The following SIPA1 variants were observed in gnomAD, a reference collection of about 807,000 sequenced individuals.
The protein encoded by SIPA1 is signal-induced proliferation-associated 1, also known as signal-induced proliferation-associated protein 1.
SIPA1 carries 51 observed loss-of-function variants against 88.1 expected under a neutral mutation model. That is an observed-to-expected ratio of 0.58 (90% confidence interval 0.46 to 0.73). The LOEUF (loss-of-function observed/expected upper bound fraction) is 0.73. Among genes scored for constraint, SIPA1 ranks in the 30% least tolerant of loss-of-function variants. SIPA1 has a pLI of 0.00. For missense variants in SIPA1, 1,348 were observed against 1,467.6 expected (o/e 0.92, Z 1.33); for synonymous variants, 681 against 664.8 (o/e 1.02, Z -0.37).
chr11:65,649,832 C>T lies in SIPA1; in HGVS notation c.2713C>T (p.Arg905Cys), dbSNP rs1251576011. The change falls in exon 12 of 16, where the codon CGT becomes TGT. Residue 905 changes from arginine to cysteine, a missense_variant. Physicochemically the swap from Arg to Cys is radical, Grantham distance 180 (BLOSUM62 -3). This residue lies in a region of SIPA1 where 615 missense variants were observed against 559.8 expected (regional missense o/e 1.10). Coordinates refer to ENST00000534313, the MANE Select transcript of SIPA1 (RefSeq NM_006747.4). ...GGAGCTGAGGGCCTCCTTTCTGCCACGTACCTTGTCTCTGCGGAACTCCAT... is the reference window on the plus strand; with the variant it reads ...GGAGCTGAGGGCCTCCTTTCTGCCATGTACCTTGTCTCTGCGGAACTCCAT... ...APELRASFLP[R>C]TLSLRNSISR... is the part of the protein sequence containing the mutation. The T allele has an allele frequency of 6.8e-6, 11 of 1,613,970 alleles. No homozygotes were observed. Among genetic ancestry groups the T allele is most frequent in the African/African-American group, 2.7e-5 (2 of 74,912 alleles).
In SIPA1 at chr11:65,642,134, G is replaced by A; in HGVS notation, c.680-116G>A. 2 of 1,391,658 alleles carry A rather than the reference G, an allele frequency of 1.4e-6. No individual in the cohort carries two copies. The highest frequency in any genetic ancestry group is 1.9e-6 in the Non-Finnish European group (2 of 1,027,762). The allele number at this position is 1,391,658 out of a possible 1,614,324, so 86.2% of individuals were successfully genotyped here. ...ACAGAGGGGCGGGACTTAGTCTAGG[G>A]TCAACATTTGGTGGTGAGATGAAGC... On this transcript the variant is annotated intron_variant, in intron 2 of 15. Coordinates refer to ENST00000534313, the MANE Select transcript of SIPA1 (RefSeq NM_006747.4). The surrounding 1 kb of genome is among the most constrained non-coding windows in gnomAD (Gnocchi z 6.5).
chr11:65,642,104 G>T lies in SIPA1; in HGVS notation c.680-146G>T, dbSNP rs1209291366. On this transcript the variant is annotated intron_variant, in intron 2 of 15. Coordinates refer to ENST00000534313, the MANE Select transcript of SIPA1 (RefSeq NM_006747.4). The surrounding 1 kb of genome is among the most constrained non-coding windows in gnomAD (Gnocchi z 6.5). ...GGTTGAGATCAAGATATTGAGCTCGGGGCTACAGAGGGGCGGGACTTAGTC... is the reference window on the plus strand; with the variant it reads ...GGTTGAGATCAAGATATTGAGCTCGTGGCTACAGAGGGGCGGGACTTAGTC... 1 of 1,169,090 alleles carries T rather than the reference G, an allele frequency of 8.6e-7. No homozygotes were observed. Among genetic ancestry groups the T allele is most frequent in the Middle Eastern group, 2.8e-4 (1 of 3,554 alleles). 72.4% of individuals were successfully genotyped at this position (1,169,090 alleles called of 1,614,324 possible).
At position 65,650,622 on chromosome 11, in the gene SIPA1, C is replaced by T. The variant is rs1243895988; in HGVS notation, c.3036C>T (p.Asn1012=). ...AGGAGGTGCGGAGCCTGAGACACAACAACCGGCGGCTGCAGGCGGAGTCTG... is the reference window on the plus strand; with the variant it reads ...AGGAGGTGCGGAGCCTGAGACACAATAACCGGCGGCTGCAGGCGGAGTCTG... ...LEEEVRSLRH[N]NRRLQAESES... The change falls in exon 16 of 16, where the codon AAC becomes AAT. Residue 1012 remains asparagine, a synonymous_variant. Transcript: ENST00000534313. 10 of 1,577,892 alleles carry T rather than the reference C, an allele frequency of 6.3e-6. No homozygotes were observed. The highest frequency in any genetic ancestry group is 8.6e-6 in the Non-Finnish European group (10 of 1,161,630).
intron 1 of SIPA1, 99 bp downstream of exon 1, chr11:65,638,281 C>T (rs1233222031): frequency 6.6e-6 from 1 of 152,378 alleles, no homozygotes; most frequent in East Asian, 1.9e-4. Flanking sequence ...GGAGTGGGGT[C>T]CTCGCCACGT....
intron 1 of SIPA1, among the ~76,000 whole-genome samples, chr11:65,638,855 C>T (rs1361603555): frequency 6.6e-6 from 1 of 152,248 alleles, no homozygotes; most frequent in East Asian, 1.9e-4. Context: ...AGGCTGGGTG[C>T]ACACATGCAC....
In SIPA1 at chr11:65,650,772, A is replaced by C; in HGVS notation, c.*57A>C. On this transcript the variant is annotated 3_prime_UTR_variant, in exon 16 of 16. Transcript: ENST00000534313. ...ACTGTGGTCACACTGGGCCCTCCTC[A>C]GGAACTCTCCCTGCGCAGAGGCGTG... is the stretch of plus-strand genomic sequence containing the variant. 4.1e-6 allele frequency: 6 copies of C among 1,473,362 alleles called. No individual in the cohort carries two copies. Among genetic ancestry groups the C allele is most frequent in the Non-Finnish European group, 5.4e-6 (6 of 1,108,316 alleles). 91.3% of individuals were successfully genotyped at this position (1,473,362 alleles called of 1,614,324 possible).
chr11:65,646,474 C>A lies in SIPA1; in HGVS notation c.1440C>A (p.Thr480=). Reference sequence around the variant, plus strand: ...CCCGCAGGGTGGCCGTGAGCCGCACCCAGGACACCCCTGCCTTCGGGCCAG... The same window carrying A: ...CCCGCAGGGTGGCCGTGAGCCGCACACAGGACACCCCTGCCTTCGGGCCAG... ...HTTYRVAVSR[T]QDTPAFGPAL... The change falls in exon 8 of 16, where the codon ACC becomes ACA. Residue 480 remains threonine, a synonymous_variant. Coordinates refer to ENST00000534313, the MANE Select transcript of SIPA1 (RefSeq NM_006747.4). The surrounding 1 kb of genome is among the most constrained non-coding windows in gnomAD (Gnocchi z 7.5). 6.3e-7 allele frequency: 1 copy of A among 1,583,660 alleles called. No individual in the cohort carries two copies. The highest frequency in any genetic ancestry group is 8.5e-7 in the Non-Finnish European group (1 of 1,170,496).
chr11:65,646,991 C>G lies in SIPA1; in HGVS notation c.1957C>G (p.Arg653Gly). 2 of 1,539,714 alleles carry G rather than the reference C, an allele frequency of 1.3e-6. No individual in the cohort carries two copies. Among genetic ancestry groups the G allele is most frequent in the Non-Finnish European group, 1.7e-6 (2 of 1,148,456 alleles). ...GCAGCAGCTGGACCTGTACCACGGCCGCGGGGAGGCGATCACGCTGCGCTT... is the reference window on the plus strand; with the variant it reads ...GCAGCAGCTGGACCTGTACCACGGCGGCGGGGAGGCGATCACGCTGCGCTT... ...SEQQLDLYHG[R>G]GEAITLRFDG... The change falls in exon 8 of 16, where the codon CGC (arginine) becomes GGC (glycine). Residue 653 changes from arginine to glycine, a missense_variant. Arg to Gly is a moderately radical substitution (Grantham distance 125). Around this residue, in one of 4 missense-constraint regions of SIPA1, gnomAD observed 615 missense variants for 559.8 expected, o/e 1.10. Transcript: ENST00000534313. The surrounding 1 kb of genome is among the most constrained non-coding windows in gnomAD (Gnocchi z 7.5).
chr11:65,643,083 T>C (rs1856041942), intron 4 of SIPA1, among the ~76,000 whole-genome samples: 1 of 152,084 alleles, frequency 6.6e-6, no homozygotes, highest in Non-Finnish European at 1.5e-5. Context: ...GCCCAGCTAA[T>C]TTTTGTATTT....
rs146081434 is a variant in SIPA1 at position 65,650,296 on chromosome 11, T to C, written c.2903+104T>C. 728 of 1,534,096 alleles carry C rather than the reference T, an allele frequency of 4.7e-4. No homozygotes were observed. In the African/African-American group the frequency reaches 8.8e-3, roughly 19 times the overall value. On this transcript the variant is annotated intron_variant, in intron 14 of 15. Transcript: ENST00000534313. Reference sequence around the variant, plus strand: ...CTGTCCTGGGCTCTGCTGCCACATATGCCTAGAAGACCAGCGGGGCCCCTC... The same window carrying C: ...CTGTCCTGGGCTCTGCTGCCACATACGCCTAGAAGACCAGCGGGGCCCCTC...
Position 65,646,094 on chromosome 11 carries a change from G to A in SIPA1, c.1264-127G>A. On this transcript the variant is annotated intron_variant, in intron 6 of 15. Transcript: ENST00000534313. This position sits in a 1 kb window ranked among gnomAD's most constrained non-coding sequence, Gnocchi z 7.5. ...CTCTGGTGGCCCCTTCCCAAAGACA[G>A]AAACACCCTAGGTCTTCACCAGGGG... 1 of 1,344,810 alleles carries A rather than the reference G, an allele frequency of 7.4e-7. No homozygotes were observed. The highest frequency in any genetic ancestry group is 1.4e-5 in the African/African-American group (1 of 69,490). 83.3% of individuals were successfully genotyped at this position (1,344,810 alleles called of 1,614,324 possible).
chr11:65,644,441 G>A (rs1856068033), intron 4 of SIPA1, among the ~76,000 whole-genome samples: 1 of 151,946 alleles, frequency 6.6e-6, no homozygotes, highest in Admixed American at 6.6e-5. Flanking sequence ...GGGACTGTAA[G>A]TGCAGACAAG....
chr11:65,646,802 G>A lies in SIPA1; in HGVS notation c.1768G>A (p.Gly590Arg). 2 of 1,285,948 alleles carry A rather than the reference G, an allele frequency of 1.6e-6. No individual in the cohort carries two copies. The highest frequency in any genetic ancestry group is 4.4e-5 in the South Asian group (2 of 45,742). The allele number at this position is 1,285,948 out of a possible 1,614,324, so 79.7% of individuals were successfully genotyped here. ...SLVWGVRAAPGARVAAGAQAS... is the reference protein window; with the variant it reads ...SLVWGVRAAPRARVAAGAQAS... ...GGTGTGGGGAGTGCGCGCGGCGCCC[G>A]GGGCGCGGGTCGCCGCCGGGGCTCA... is the stretch of plus-strand genomic sequence containing the variant. Residue 590 changes from glycine (G) to arginine (R), a missense_variant, in exon 8 of 16, where the codon GGG (glycine) becomes AGG (arginine). Gly to Arg is a moderately radical substitution (Grantham distance 125). Coordinates refer to ENST00000534313, the MANE Select transcript of SIPA1 (RefSeq NM_006747.4). The surrounding 1 kb of genome is among the most constrained non-coding windows in gnomAD (Gnocchi z 7.5).
At position 65,642,654 on chromosome 11, in the gene SIPA1, G is replaced by A. The variant is rs1012142976; in HGVS notation, c.984+15G>A. 2.0e-6 allele frequency: 3 copies of A among 1,519,088 alleles called. No individual in the cohort carries two copies. The highest frequency in any genetic ancestry group is 2.8e-5 in the African/African-American group (2 of 72,712). The allele number at this position is 1,519,088 out of a possible 1,614,324, so 94.1% of individuals were successfully genotyped here. A position where few individuals can be genotyped will look rare whatever the true frequency, so the allele number is the denominator to read the frequency against. On this transcript the variant is annotated intron_variant, in intron 4 of 15. Coordinates refer to ENST00000534313, the MANE Select transcript of SIPA1 (RefSeq NM_006747.4). This position sits in a 1 kb window ranked among gnomAD's most constrained non-coding sequence, Gnocchi z 6.5. ...ATGAGCAAGTGGTGAGTGGCGGGCC[G>A]CGGAGCCCCCAGCCATACAGCTGGC...
In SIPA1 at chr11:65,642,502, C is replaced by T. The variant is rs1856026088; in HGVS notation, c.847C>T (p.Pro283Ser). Residue 283 changes from proline (P) to serine (S), a missense_variant, in exon 4 of 16, where the codon CCG (proline) becomes TCG (serine). Pro to Ser is a moderately conservative substitution (Grantham distance 74, BLOSUM62 -1). Around this residue, in one of 4 missense-constraint regions of SIPA1, gnomAD observed 641 missense variants for 797.7 expected, o/e 0.80. Transcript: ENST00000534313. The surrounding 1 kb of genome is among the most constrained non-coding windows in gnomAD (Gnocchi z 6.5). ...TGGCACCATCTCGGAGGACGCGCTG[C>T]CGCCGGGGCCCCCACGGGGTCTGTC... Reference protein sequence around the residue: ...LRGTISEDALPPGPPRGLSPR... With the variant: ...LRGTISEDALSPGPPRGLSPR... 1 of 1,610,484 alleles carries T rather than the reference C, an allele frequency of 6.2e-7. No homozygotes were observed. The highest frequency in any genetic ancestry group is 1.3e-5 in the African/African-American group (1 of 74,890).
chr11:65,639,831 C>G (rs1385755178), intron 1 of SIPA1: 1 of 152,292 alleles, frequency 6.6e-6, no homozygotes, highest in Admixed American at 6.5e-5. Context: ...CCAACACCCA[C>G]CCCCCAAAAC....
At position 65,649,766 on chromosome 11, in the gene SIPA1, G is replaced by A. The variant is rs368254204; in HGVS notation, c.2647G>A (p.Gly883Ser). 2 of 1,614,072 alleles carry A rather than the reference G, an allele frequency of 1.2e-6. No individual in the cohort carries two copies. Among genetic ancestry groups the A allele is most frequent in the Non-Finnish European group, 8.5e-7 (1 of 1,180,034 alleles). ...SETPLTQDRP[G>S]SPSGSEDKGN... Reference sequence around the variant, plus strand: ...CACTTCTGTGGCACAGGACAGGCCAGGCAGTCCCAGTGGCTCTGAGGACAA... The same window carrying A: ...CACTTCTGTGGCACAGGACAGGCCAAGCAGTCCCAGTGGCTCTGAGGACAA... The change falls in exon 12 of 16, where the codon GGC becomes AGC. Residue 883 changes from glycine to serine, a missense_variant. Physicochemically the swap from Gly to Ser is moderately conservative, Grantham distance 56 (BLOSUM62 0). This residue lies in a region of SIPA1 where 615 missense variants were observed against 559.8 expected (regional missense o/e 1.10). Coordinates refer to ENST00000534313, the MANE Select transcript of SIPA1 (RefSeq NM_006747.4).
rs1477339822 is a variant in SIPA1, at chr11:65,641,048, C to T, written c.127C>T (p.Pro43Ser). 6.3e-7 allele frequency: 1 copy of T among 1,595,034 alleles called. No homozygotes were observed. Among genetic ancestry groups the T allele is most frequent in the Admixed American group, 1.7e-5 (1 of 57,852 alleles). ...RPPLTPHTFE[P>S]RPVRGPLLRS... Reference sequence around the variant, plus strand: ...CCCGCTGACACCGCACACCTTCGAGCCGAGGCCAGTCCGGGGCCCACTCCT... The same window carrying T: ...CCCGCTGACACCGCACACCTTCGAGTCGAGGCCAGTCCGGGGCCCACTCCT... Residue 43 changes from proline to serine, a missense_variant, in exon 2 of 16, where the codon CCG becomes TCG. Transcript: ENST00000534313.
intron 9 of SIPA1, 36 bp downstream of exon 9, chr11:65,647,694 C>T (rs1856159982): frequency 1.5e-6 from 2 of 1,312,416 alleles, no homozygotes; most frequent in South Asian, 1.8e-5. Flanking sequence ...GTGGGAGGGC[C>T]GGCAGTTGGC....
Sources: allele counts gnomAD v4.1 joint callset (sites outside exome capture counted in the v4.1 genomes callset), GRCh38; gene constraint gnomAD v4.1.1; regional missense constraint gnomAD v4.1.1; non-coding constraint Gnocchi (gnomAD v3.1); transcripts MANE v1.5; gene names NCBI Gene and HGNC (gene_info 2026-07-23, HGNC 2026-07-21).